Variants in NBEA observed in about 807,000 individuals in gnomAD.
NBEA encodes neurobeachin.
Under a neutral mutation model 343.4 loss-of-function variants are expected in NBEA, and 44 were observed. The ratio of observed to expected loss-of-function variants is 0.13; its 90% CI spans 0.10 to 0.16. The LOEUF (loss-of-function observed/expected upper bound fraction) is 0.16, where lower values mean the gene tolerates loss of function less well. NBEA is among the 10% of genes least tolerant of loss of function. NBEA has a pLI of 1.00. For synonymous variants in NBEA, 1,175 were observed against 1,238.7 expected (o/e 0.95, Z 1.08); for missense variants, 2,555 against 3,631.3 (o/e 0.70, Z 7.62).
intron 6 of NBEA, among the ~76,000 whole-genome samples, chr13:35,052,070 A>G (rs1332784459): frequency 6.6e-6 from 1 of 152,060 alleles, no homozygotes; most frequent in Non-Finnish European, 1.5e-5. Flanking sequence ...GGGTCTAGTT[A>G]GGAGCAGGGC....
intron 55 of NBEA, among the ~76,000 whole-genome samples, chr13:35,657,522 T>A (rs989991699): frequency 6.6e-6 from 1 of 152,226 alleles, no homozygotes; most frequent in Non-Finnish European, 1.5e-5. Flanking sequence ...AGAATTCTAG[T>A]ATGCCTATGT....
intron 38 of NBEA, among the ~76,000 whole-genome samples, chr13:35,359,540 T>G (rs951908254): frequency 7.2e-5 from 11 of 152,140 alleles, no homozygotes; most frequent in African/African-American, 2.7e-4. Flanking sequence ...ACATAAAATC[T>G]CTTTTACATC....
chr13:35,621,780 A>G (rs1170887233), intron 48 of NBEA, among the ~76,000 whole-genome samples: 2 of 152,332 alleles, frequency 1.3e-5, no homozygotes, highest in East Asian at 3.9e-4. Flanking sequence ...AAACCTATAA[A>G]TATTTATTAA....
chr13:35,666,235 T>A (rs1170255312), intron 56 of NBEA, among the ~76,000 whole-genome samples: 3 of 152,114 alleles, frequency 2.0e-5, no homozygotes, highest in Non-Finnish European at 4.4e-5. Context: ...GGTTTGGTTG[T>A]TAGAGCTCAT....
chr13:35,226,402 C>G (rs1219332383), intron 33 of NBEA, among the ~76,000 whole-genome samples: 3 of 152,126 alleles, frequency 2.0e-5, no homozygotes, highest in African/African-American at 7.2e-5. Flanking sequence ...ATGTCTCTAT[C>G]CTAAAAGAGG....
intron 40 of NBEA, among the ~76,000 whole-genome samples, chr13:35,461,101 A>G (rs2046878854): frequency 6.6e-6 from 1 of 152,174 alleles, no homozygotes; most frequent in Admixed American, 6.5e-5. Context: ...TGACCCAGTC[A>G]CCTCTTAAAG....
At chr13:35,601,072 G>A (rs2082021916) in intron 47 of NBEA, among the ~76,000 whole-genome samples, 1 of 152,022 alleles carries the variant, frequency 6.6e-6, no homozygotes, top group African/African-American at 2.4e-5. Flanking sequence ...AGCTACTCGG[G>A]ATGCTGAGGC....
At chr13:35,332,002 A>T (rs1223045201) in intron 36 of NBEA, among the ~76,000 whole-genome samples, 1 of 151,990 alleles carries the variant, frequency 6.6e-6, no homozygotes, top group Non-Finnish European at 1.5e-5. Context: ...AAATGACATG[A>T]TCATTAAAAT....
intron 38 of NBEA, among the ~76,000 whole-genome samples, chr13:35,374,051 T>C (rs541759592): frequency 6.6e-6 from 1 of 152,334 alleles, no homozygotes; most frequent in Non-Finnish European, 1.5e-5. Flanking sequence ...ACTTGTTTGT[T>C]TTACCTTTAT....
chr13:35,385,368 AT>A (rs1483082803), intron 38 of NBEA, among the ~76,000 whole-genome samples: 26 of 152,096 alleles, frequency 1.7e-4, no homozygotes, highest in Non-Finnish European at 4.4e-5. Flanking sequence ...ACATTTCTCA[AT>A]TTACAACATT....
intron 10 of NBEA, among the ~76,000 whole-genome samples, chr13:35,075,934 GA>G (rs1339951861): frequency 1.3e-5 from 2 of 151,644 alleles, no homozygotes; most frequent in African/African-American, 4.8e-5. Context: ...TTTTAATTCA[GA>G]AAAAATATCT....
At chr13:35,504,981 G>A (rs1032320890) in intron 41 of NBEA, among the ~76,000 whole-genome samples, 11 of 151,972 alleles carry the variant, frequency 7.2e-5, no homozygotes, top group Admixed American at 5.9e-4. Context: ...TACGATTATC[G>A]GAACCTCATT....
intron 51 of NBEA, among the ~76,000 whole-genome samples, chr13:35,648,609 TAA>T (rs1291021811): frequency 1.3e-5 from 2 of 152,172 alleles, no homozygotes; most frequent in East Asian, 3.9e-4. Context: ...CTAAGCTTTC[TAA>T]GTTCATGTAG....
chr13:35,098,269 C>T (rs375794201), intron 10 of NBEA, 28 bp from the exon 11 acceptor site: 2 of 1,432,498 alleles, frequency 1.4e-6, no homozygotes, highest in African/African-American at 1.4e-5. Context: ...GTGATGATTA[C>T]ATAATGATGT....
At position 35,142,383 on chromosome 13, in the gene NBEA, A is replaced by G. The variant is rs1295676361; in HGVS notation, c.2445+6A>G. Reference sequence around the variant, plus strand: ...CATACAACACACTTTATGAGGTAAAAATAAAAAATGTGTGATGAAAGTTTT... The same window carrying G: ...CATACAACACACTTTATGAGGTAAAGATAAAAAATGTGTGATGAAAGTTTT... On this transcript the variant is annotated splice_donor_region_variant and intron_variant, in intron 18 of 58. Transcript: ENST00000379939. 6.2e-7 allele frequency: 1 copy of G among 1,602,056 alleles called. No individual in the cohort carries two copies. Among genetic ancestry groups the G allele is most frequent in the Admixed American group, 1.7e-5 (1 of 59,850 alleles).
At chr13:34,964,919 G>T (rs1372602144) in intron 1 of NBEA, among the ~76,000 whole-genome samples, 1 of 152,030 alleles carries the variant, frequency 6.6e-6, no homozygotes, top group African/African-American at 2.4e-5. Context: ...CTCCATAGCG[G>T]TGCCTAGAGT....
chr13:35,262,396 T>C (rs1479533980), intron 34 of NBEA, among the ~76,000 whole-genome samples: 1 of 152,210 alleles, frequency 6.6e-6, no homozygotes, highest in East Asian at 1.9e-4. Flanking sequence ...ACATCAGTTA[T>C]TGGTGTAATA....
chr13:35,410,382 T>A (rs2043511585), intron 38 of NBEA, among the ~76,000 whole-genome samples: 1 of 152,100 alleles, frequency 6.6e-6, no homozygotes, highest in African/African-American at 2.4e-5. Flanking sequence ...TAATTTGCAA[T>A]GTAAATTGAT....
intron 45 of NBEA, 97 bp from the exon 46 acceptor site, chr13:35,583,801 A>T: frequency 2.2e-6 from 2 of 891,908 alleles, no homozygotes; most frequent in Non-Finnish European, 3.4e-6. Context: ...TGTATGGCTA[A>T]AATGAATTAA....
Sources: gnomAD v4.1 joint callset for allele counts (sites outside exome capture counted in the v4.1 genomes callset) on GRCh38, gnomAD v4.1.1 for gene constraint, MANE v1.5 for transcripts, NCBI Gene and HGNC (gene_info 2026-07-23, HGNC 2026-07-21) for gene names.